AFF1: variants seen among roughly 807,000 people sequenced by gnomAD.
AFF1 encodes AF4/FMR2 family member 1.
Under a neutral mutation model 121.7 loss-of-function variants are expected in AFF1, and 48 were observed. The observed-to-expected ratio is 0.39, with a 90% CI of 0.31 to 0.50. The LOEUF is 0.50. Ranked by LOEUF, AFF1 falls within the 20% of genes least tolerant of loss-of-function variation. AFF1 has a pLI of 0.76. For synonymous variants in AFF1, 613 were observed against 563.0 expected, an observed-to-expected ratio of 1.09 and a Z score of -1.26; for missense variants, 1,523 against 1,511.7, an observed-to-expected ratio of 1.01 and a Z score of -0.12.
intron 2 of AFF1, among the ~76,000 whole-genome samples, chr4:87,032,199 TATG>T (rs1208672542): frequency 5.3e-5 from 8 of 152,206 alleles, no homozygotes; most frequent in Non-Finnish European, 1.0e-4. Flanking sequence ...GAGCTGGGGT[TATG>T]ATGAAAATGA....
chr4:87,122,216 T>C (rs1727761707), intron 12 of AFF1, among the ~76,000 whole-genome samples: 1 of 152,260 alleles, frequency 6.6e-6, no homozygotes, highest in Non-Finnish European at 1.5e-5. Flanking sequence ...CTATACTGCC[T>C]TTCATCTAAA....
chr4:86,936,995 T>C (rs941325809), intron 1 of AFF1, among the ~76,000 whole-genome samples: 4 of 152,182 alleles, frequency 2.6e-5, no homozygotes, highest in Non-Finnish European at 4.4e-5. Flanking sequence ...TTGAGACAAA[T>C]AGAGATTGAA....
At chr4:87,056,635 A>G (rs1720171047) in intron 4 of AFF1, among the ~76,000 whole-genome samples, 1 of 152,206 alleles carries the variant, frequency 6.6e-6, no homozygotes, top group Admixed American at 6.5e-5. Flanking sequence ...TTTCTTTGTC[A>G]TAGAAGGATT....
intron 18 of AFF1, 77 bp downstream of exon 18, chr4:87,131,941 T>C: frequency 7.9e-7 from 1 of 1,266,176 alleles, no homozygotes; most frequent in Non-Finnish European, 1.1e-6. Flanking sequence ...TTCTGAAATT[T>C]GTTTTCTTAA....
chr4:87,087,382 A>G lies in AFF1; in HGVS notation c.1105-2602A>G, dbSNP rs548109916. 9.8e-5 allele frequency among the ~76,000 whole-genome samples: 15 copies of G among 152,364 alleles called. No individual in the cohort carries two copies. The East Asian group carries it at 2.9e-3, about 29-fold the overall frequency. On this transcript the variant is annotated intron_variant, in intron 5 of 20. Transcript: ENST00000395146. Reference sequence around the variant, plus strand: ...AAACAGAAGGCTAGGCAGAGGGAAGAACTGGTGGAAAATCCTCGAGGTGGT... The same window carrying G: ...AAACAGAAGGCTAGGCAGAGGGAAGGACTGGTGGAAAATCCTCGAGGTGGT...
intron 12 of AFF1, among the ~76,000 whole-genome samples, chr4:87,117,526 G>A (rs1431477153): frequency 1.3e-5 from 2 of 152,158 alleles, no homozygotes; most frequent in Non-Finnish European, 2.9e-5. Flanking sequence ...GGTAATCCTA[G>A]TGCCTATCAG....
intron 1 of AFF1, among the ~76,000 whole-genome samples, chr4:86,947,934 T>G (rs546216833): frequency 2.6e-5 from 4 of 152,290 alleles, no homozygotes; most frequent in African/African-American, 9.6e-5. Context: ...AATGACCTGT[T>G]GATTTCCTTT....
chr4:86,967,444 T>C (rs895391131), intron 2 of AFF1, among the ~76,000 whole-genome samples: 1 of 152,100 alleles, frequency 6.6e-6, no homozygotes, highest in Non-Finnish European at 1.5e-5. Context: ...AATTTGACCA[T>C]GTATTTAGGG....
intron 5 of AFF1, among the ~76,000 whole-genome samples, 192 bp from the exon 6 acceptor site, chr4:87,089,792 T>C (rs1447559825): frequency 6.6e-6 from 1 of 152,236 alleles, no homozygotes; most frequent in African/African-American, 2.4e-5. Flanking sequence ...TAGTTTTTTA[T>C]GTTGGAGAGC....
chr4:87,108,066 C>T lies in AFF1; in HGVS notation c.1377-93C>T, dbSNP rs147996773. 6.9e-4 allele frequency: 975 copies of T among 1,417,166 alleles called. 5 individuals carry two copies. The African/African-American group carries it at 0.01, about 15-fold the overall frequency. The allele number at this position is 1,417,166 out of a possible 1,614,324, so 87.8% of individuals were successfully genotyped here. A position where few individuals can be genotyped will look rare whatever the true frequency, so the allele number is the denominator to read the frequency against. ...TAGCAGTGTATCTAATACCAAGGCCCGCCCTTTTGAGTAGCAGGAAAATGG... is the reference window on the plus strand; with the variant it reads ...TAGCAGTGTATCTAATACCAAGGCCTGCCCTTTTGAGTAGCAGGAAAATGG... On this transcript the variant is annotated intron_variant, in intron 10 of 20. Transcript: ENST00000395146.
intron 8 of AFF1, among the ~76,000 whole-genome samples, chr4:87,095,410 C>T (rs1724734342): frequency 6.6e-6 from 1 of 152,192 alleles, no homozygotes; most frequent in Admixed American, 6.5e-5. Context: ...TAAGCCACTG[C>T]ACCTGGCCTA....
intron 1 of AFF1, among the ~76,000 whole-genome samples, chr4:86,945,085 G>C (rs1241923353): frequency 3.3e-5 from 5 of 152,206 alleles, no homozygotes; most frequent in African/African-American, 4.8e-5. Context: ...TGTGGATATA[G>C]CTGCTACCAT....
At chr4:86,962,145 C>CTTTTTTTTTTTTTT in intron 2 of AFF1, among the ~76,000 whole-genome samples, 1 of 122,580 alleles carries the variant, frequency 8.2e-6, no homozygotes. Context: ...GTTATTGTTT[C>CTTTTTTTTTTTTTT]TTTTTTTTTT....
At chr4:87,099,163 A>G (rs919104615) in intron 8 of AFF1, among the ~76,000 whole-genome samples, 2 of 152,204 alleles carry the variant, frequency 1.3e-5, no homozygotes, top group Non-Finnish European at 2.9e-5. Context: ...GGATATTTCA[A>G]TGGCAGGTCT....
At chr4:87,007,121 CCCCGGATTCGGA>C in intron 2 of AFF1, 12 of 1,272,814 alleles carry the variant, frequency 9.4e-6, no homozygotes, top group Non-Finnish European at 1.2e-5. Context: ...CGCTCGCTTG[CCCCGGATTCGGA>C]CGCGGCGCTC....
At chr4:87,040,715 G>A (rs556348034) in intron 2 of AFF1, among the ~76,000 whole-genome samples, 2 of 151,498 alleles carry the variant, frequency 1.3e-5, no homozygotes, top group South Asian at 2.1e-4. Context: ...GATTACAGGC[G>A]CCTGCCACCA....
intron 16 of AFF1, 76 bp downstream of exon 16, chr4:87,127,779 C>G: frequency 7.0e-7 from 1 of 1,427,636 alleles, no homozygotes; most frequent in African/African-American, 1.4e-5. Flanking sequence ...CTCCATTCTG[C>G]TGTATTCCAT....
intron 2 of AFF1, among the ~76,000 whole-genome samples, chr4:87,041,750 C>T (rs1198371165): frequency 1.3e-5 from 2 of 151,812 alleles, no homozygotes; most frequent in Admixed American, 6.6e-5. Context: ...CGTGGTGGCT[C>T]ACGCCTATAA....
chr4:86,980,618 T>G (rs1025840725), intron 2 of AFF1, among the ~76,000 whole-genome samples: 3 of 152,170 alleles, frequency 2.0e-5, no homozygotes, highest in Non-Finnish European at 4.4e-5. Flanking sequence ...TAAAGTAAGG[T>G]ATAGGACAAC....
Sources: allele counts gnomAD v4.1 joint callset (sites outside exome capture counted in the v4.1 genomes callset), GRCh38; gene constraint gnomAD v4.1.1; transcripts MANE v1.5; gene names NCBI Gene and HGNC (gene_info 2026-07-23, HGNC 2026-07-21).